KCTD13: variants seen among roughly 807,000 people sequenced by gnomAD.
KCTD13 encodes the protein potassium channel tetramerization domain containing 13.
In KCTD13, 15 loss-of-function variants were observed where a neutral mutation model predicts 32.3. The ratio of observed to expected loss-of-function variants is 0.46; its 90% CI spans 0.31 to 0.71. KCTD13 has a LOEUF of 0.71. KCTD13 is among the 30% of genes least tolerant of loss of function. The probability of loss-of-function intolerance (pLI) is 0.05; values close to 1 mark genes in which losing one functional copy is unlikely to be tolerated. For missense variants in KCTD13, 337 were observed against 452.6 expected (o/e 0.74, Z 2.32); for synonymous variants, 189 against 200.1 (o/e 0.94, Z 0.47).
chr16:29,920,086 C>A (rs1369179031), intron 2 of KCTD13: 1 of 152,176 alleles, frequency 6.6e-6, no homozygotes, highest in Non-Finnish European at 1.5e-5. Context: ...CTTTGGGAGG[C>A]CAAGGCAGGT....
At chr16:29,923,038 G>T (rs1010142368) in intron 2 of KCTD13, 152 bp downstream of exon 2, 4 of 775,648 alleles carry the variant, frequency 5.2e-6, no homozygotes, top group Admixed American at 5.9e-5. Context: ...AGGCGGCAGG[G>T]ATGCAGAAGA....
At chr16:29,925,658 G>A (rs1445995579) in intron 1 of KCTD13, 132 bp downstream of exon 1, 4 of 834,742 alleles carry the variant, frequency 4.8e-6, no homozygotes, top group East Asian at 2.7e-5. Flanking sequence ...GGGGGCTGGA[G>A]GGAGCTGAGA....
chr16:29,926,178 C>T lies in KCTD13; in HGVS notation c.-145G>A, dbSNP rs960820705. The T allele has an allele frequency of 3.1e-6, 3 of 965,126 alleles. No homozygotes were observed. The highest frequency in any genetic ancestry group is 1.7e-5 in the African/African-American group (1 of 57,402). The allele number at this position is 965,126 out of a possible 1,614,324, so 59.8% of individuals were successfully genotyped here. ...ACCGCAGCTACTCTGCAAGACCGGC[C>T]CTCCGCCCCATCTCGCTCGCACCAC... On this transcript the variant is annotated 5_prime_UTR_variant, in exon 1 of 6. Coordinates refer to ENST00000568000, the MANE Select transcript of KCTD13 (RefSeq NM_178863.5).
Position 29,906,814 on chromosome 16 carries a change from G to A in KCTD13, c.*58C>T. ...CCGGGGCAAAAGTCTGGGAAGGGGA[G>A]GGAAAGAGAGAGGGACTGGGTCCCA... On this transcript the variant is annotated 3_prime_UTR_variant, in exon 6 of 6. Coordinates refer to ENST00000568000, the MANE Select transcript of KCTD13 (RefSeq NM_178863.5). 1.4e-6 allele frequency: 2 copies of A among 1,480,406 alleles called. No homozygotes were observed. Among genetic ancestry groups the A allele is most frequent in the Non-Finnish European group, 1.9e-6 (2 of 1,067,978 alleles). 91.7% of individuals were successfully genotyped at this position (1,480,406 alleles called of 1,614,324 possible). A position where few individuals can be genotyped will look rare whatever the true frequency, so the allele number is the denominator to read the frequency against.
chr16:29,925,774 G>A lies in KCTD13; in HGVS notation c.244+16C>T, dbSNP rs759446087. On this transcript the variant is annotated intron_variant, in intron 1 of 5. Coordinates refer to ENST00000568000, the MANE Select transcript of KCTD13 (RefSeq NM_178863.5). ...GGGGGTCTGGGGTGGGGGCACGGTA[G>A]GGGCGCCGCTCGTACCTCCGGCATC... 1.8e-5 allele frequency: 29 copies of A among 1,611,662 alleles called. No individual in the cohort carries two copies. Among genetic ancestry groups the A allele is most frequent in the Non-Finnish European group, 2.5e-5 (29 of 1,179,392 alleles).
intron 2 of KCTD13, chr16:29,921,602 C>T (rs1384384600): frequency 6.6e-6 from 1 of 152,150 alleles, no homozygotes; most frequent in Non-Finnish European, 1.5e-5. Context: ...TTGCTCCTGA[C>T]ACACAGTGGG....
intron 2 of KCTD13, among the ~76,000 whole-genome samples, chr16:29,915,950 TTTTCA>T (rs2068802208): frequency 6.6e-6 from 1 of 152,196 alleles, no homozygotes; most frequent in African/African-American, 2.4e-5. Flanking sequence ...TTCAGGCTCT[TTTTCA>T]TTTAAGTGTT....
At chr16:29,907,165 T>A in intron 5 of KCTD13, 57 bp from the exon 6 acceptor site, 1 of 1,259,502 alleles carries the variant, frequency 7.9e-7, no homozygotes, top group South Asian at 1.3e-5. Context: ...CGCAGGGCCA[T>A]CCCCCTGCCT....
rs72798147 is a variant in KCTD13 at position 29,911,737 on chromosome 16, G to A, written c.557+78C>T. 7.0e-3 allele frequency: 10,609 copies of A among 1,509,296 alleles called. 44 individuals carry two copies. The highest frequency in any genetic ancestry group is 8.9e-3 in the Non-Finnish European group (9,789 of 1,094,314). 93.5% of individuals were successfully genotyped at this position (1,509,296 alleles called of 1,614,324 possible). A position where few individuals can be genotyped will look rare whatever the true frequency, so the allele number is the denominator to read the frequency against. On this transcript the variant is annotated intron_variant, in intron 4 of 5. Coordinates refer to ENST00000568000, the MANE Select transcript of KCTD13 (RefSeq NM_178863.5). ...GTTCTTGTAGGCCCCCCGTGTGGCC[G>A]TGGCCCTCGCCTTGGGCAGAAGCAG...
chr16:29,923,751 G>C (rs1034680192), intron 1 of KCTD13, among the ~76,000 whole-genome samples: 51 of 152,108 alleles, frequency 3.4e-4, no homozygotes, highest in African/African-American at 1.1e-3. Context: ...ACTCGGGGGG[G>C]GGCGAGGCAG....
chr16:29,919,472 C>T (rs774349771), intron 2 of KCTD13: 14 of 152,172 alleles, frequency 9.2e-5, no homozygotes, highest in Non-Finnish European at 1.8e-4. Flanking sequence ...CTTATCATCT[C>T]TTCAACATTA....
chr16:29,923,058 A>G (rs774820096), intron 2 of KCTD13, 132 bp downstream of exon 2: 10 of 1,013,818 alleles, frequency 9.9e-6, no homozygotes, highest in Non-Finnish European at 1.3e-5. Context: ...ATGGCACCTC[A>G]AATTCTCTGG....
intron 2 of KCTD13, among the ~76,000 whole-genome samples, chr16:29,917,323 T>G (rs2068827102): frequency 6.6e-6 from 1 of 152,068 alleles, no homozygotes; most frequent in South Asian, 2.1e-4. Flanking sequence ...CCATTTAGAT[T>G]AAAATACCCA....
intron 5 of KCTD13, among the ~76,000 whole-genome samples, chr16:29,908,168 GCAGC>G (rs1420158873): frequency 6.6e-6 from 1 of 152,068 alleles, no homozygotes; most frequent in Non-Finnish European, 1.5e-5. Context: ...AGCAGAAAGA[GCAGC>G]CTGGGGAGGG....
chr16:29,924,922 T>G (rs947454155), intron 1 of KCTD13, among the ~76,000 whole-genome samples: 13 of 152,140 alleles, frequency 8.5e-5, no homozygotes, highest in African/African-American at 1.2e-4. Context: ...TTCGCCATAT[T>G]GGTCAGGCTG....
chr16:29,918,959 A>T (rs1184535250), intron 2 of KCTD13, among the ~76,000 whole-genome samples: 2 of 151,986 alleles, frequency 1.3e-5, no homozygotes, highest in African/African-American at 4.8e-5. Context: ...CACCTGGCAT[A>T]ATTTTTGTAT....
chr16:29,912,238 C>T, intron 2 of KCTD13, 189 bp from the exon 3 acceptor site: 2 of 618,378 alleles, frequency 3.2e-6, no homozygotes, highest in Non-Finnish European at 5.7e-6. Flanking sequence ...CCCACGGACA[C>T]CTTGCTGCTT....
At position 29,907,042 on chromosome 16, in the gene KCTD13, C is replaced by T. The variant is rs765354617; in HGVS notation, c.820G>A (p.Gly274Ser). Reference sequence around the variant, plus strand: ...GCCTCCAGGAGGGCTGGGTCTGGGCCCCGGGGAGTCTCGTAGATGAGGATG... The same window carrying T: ...GCCTCCAGGAGGGCTGGGTCTGGGCTCCGGGGAGTCTCGTAGATGAGGATG... ...LNILIYETPRGPDPALLEATG... is the reference protein window; with the variant it reads ...LNILIYETPRSPDPALLEATG... The change falls in exon 6 of 6, where the codon GGC becomes AGC. Residue 274 changes from glycine (G) to serine (S), a missense_variant. Physicochemically the swap from Gly to Ser is moderately conservative, Grantham distance 56. This residue lies in a region of KCTD13 where 252 missense variants were observed against 340.2 expected (regional missense o/e 0.74). Coordinates refer to ENST00000568000, the MANE Select transcript of KCTD13 (RefSeq NM_178863.5). 1 of 1,613,934 alleles carries T rather than the reference C, an allele frequency of 6.2e-7. No homozygotes were observed. Among genetic ancestry groups the T allele is most frequent in the Admixed American group, 1.7e-5 (1 of 60,014 alleles).
Position 29,906,445 on chromosome 16 carries a change from C to T in KCTD13, c.*427G>A, listed in dbSNP as rs2068614139. 2.2e-6 allele frequency: 1 copy of T among 456,918 alleles called. No individual in the cohort carries two copies. The highest frequency in any genetic ancestry group is 4.4e-6 in the Non-Finnish European group (1 of 228,456). The allele number at this position is 456,918 out of a possible 1,614,324, so 28.3% of individuals were successfully genotyped here. ...TGGGCAGGCCCAGGCCAGTCTAGTA[C>T]AAAGTTAAGGAGGTAGGGAGGATGG... On this transcript the variant is annotated 3_prime_UTR_variant, in exon 6 of 6. Transcript: ENST00000568000.
Sources: allele counts gnomAD v4.1 joint callset (sites outside exome capture counted in the v4.1 genomes callset), GRCh38; gene constraint gnomAD v4.1.1; regional missense constraint gnomAD v4.1.1; transcripts MANE v1.5; gene names NCBI Gene and HGNC (gene_info 2026-07-23, HGNC 2026-07-21).